TATDN3: variants seen among roughly 807,000 people sequenced by gnomAD.
The protein encoded by TATDN3 is TatD DNase domain containing 3.
TATDN3 carries 29 observed loss-of-function variants against 40.1 expected under a neutral mutation model. That is an observed-to-expected ratio of 0.72 (90% CI 0.54 to 0.99). TATDN3 has a LOEUF of 0.99. TATDN3 is among the 50% of genes least tolerant of loss of function. The probability of loss-of-function intolerance (pLI) is 0.00; values close to 1 mark genes in which losing one functional copy is unlikely to be tolerated. For synonymous variants in TATDN3, 105 were observed against 117.0 expected (o/e 0.90, Z 0.66); for missense variants, 309 against 321.9 (o/e 0.96, Z 0.31).
intron 4 of TATDN3, chr1:212,797,403 ATTAG>A: frequency 1.8e-6 from 1 of 543,408 alleles, no homozygotes; most frequent in Non-Finnish European, 3.3e-6. Flanking sequence ...CAAAGGAATC[ATTAG>A]TTAAGTTGTA....
chr1:212,794,280 CAAA>C (rs60474401), intron 1 of TATDN3, among the ~76,000 whole-genome samples: 1 of 93,096 alleles, frequency 1.1e-5, no homozygotes. Context: ...GACTCCATCT[CAAA>C]AAAAAAAAAA....
rs752952752 is a variant in TATDN3 at position 212,792,632 on chromosome 1, C to CAAAAAAAA, written c.66+659_66+666dup. 8.4e-4 allele frequency among the ~76,000 whole-genome samples: 63 copies of CAAAAAAAA among 75,084 alleles called. 1 individual carries two copies. The highest frequency in any genetic ancestry group is 1.2e-3 in the Non-Finnish European group (50 of 41,166). The allele number at this position is 75,084 out of a possible 152,430, so 49.3% of individuals were successfully genotyped here. A position where few individuals can be genotyped will look rare whatever the true frequency, so the allele number is the denominator to read the frequency against. On this transcript the variant is annotated intron_variant, in intron 1 of 9. Coordinates refer to ENST00000366974, the MANE Select transcript of TATDN3 (RefSeq NM_001042552.3). ...CCTGGGTAACAGTGAGACCCTGTCT[C>CAAAAAAAA]AAAAAAAAAAAAAAAAAAAAATTCA...
intron 1 of TATDN3, 142 bp downstream of exon 1, chr1:212,792,129 C>G: frequency 1.3e-6 from 1 of 790,590 alleles, no homozygotes; most frequent in Non-Finnish European, 2.0e-6. Flanking sequence ...CCTTGCCCCT[C>G]ATTTCCCTAT....
chr1:212,804,275 T>A, intron 5 of TATDN3, 45 bp from the exon 6 acceptor site: 2 of 1,404,612 alleles, frequency 1.4e-6, no homozygotes, highest in Non-Finnish European at 2.0e-6. Context: ...TCTTTTGAGG[T>A]TCCTTAAACC....
intron 1 of TATDN3, among the ~76,000 whole-genome samples, chr1:212,794,230 G>C (rs565719626): frequency 6.6e-6 from 1 of 150,750 alleles, no homozygotes; most frequent in South Asian, 2.1e-4. Flanking sequence ...GCAGTGAGCC[G>C]AGATCGTGAC....
chr1:212,806,769 TATATATATATATATAC>T (rs1465711457), intron 7 of TATDN3, among the ~76,000 whole-genome samples: 3 of 116,416 alleles, frequency 2.6e-5, no homozygotes, highest in South Asian at 5.9e-4. Context: ...TATATATATA[TATATATATATATATAC>T]ACACACACAC....
At chr1:212,811,240 AT>A (rs981591244) in intron 8 of TATDN3, among the ~76,000 whole-genome samples, 2 of 151,476 alleles carry the variant, frequency 1.3e-5, no homozygotes, top group African/African-American at 4.9e-5. Context: ...GGTTCAAGTG[AT>A]TCTGCCTCAA....
chr1:212,794,966 T>G, intron 1 of TATDN3, 129 bp from the exon 2 acceptor site: 9 of 727,466 alleles, frequency 1.2e-5, no homozygotes, highest in South Asian at 9.3e-5. Context: ...GTAGGCTCTT[T>G]GTTTTCCACC....
chr1:212,799,834 C>T (rs1287530857), intron 4 of TATDN3, among the ~76,000 whole-genome samples: 3 of 152,140 alleles, frequency 2.0e-5, no homozygotes, highest in African/African-American at 4.8e-5. Context: ...CCACCACACC[C>T]GGCCAATAGG....
At chr1:212,806,741 T>TCTCG (rs1662496981) in intron 7 of TATDN3, among the ~76,000 whole-genome samples, 1 of 94,546 alleles carries the variant, frequency 1.1e-5, no homozygotes, top group Non-Finnish European at 2.0e-5. Context: ...TCTCTCTCTC[T>TCTCG]CTCTCCATAT....
Position 212,807,834 on chromosome 1 carries a change from A to G in TATDN3, c.586A>G (p.Ile196Val), listed in dbSNP as rs746582846. Residue 196 changes from isoleucine to valine, a missense_variant, in exon 8 of 10, where the codon ATA (isoleucine) becomes GTA (valine). Transcript: ENST00000366974. ...GYFFSIPPSIIRSGQKQKLVK... is the reference protein window; with the variant it reads ...GYFFSIPPSIVRSGQKQKLVK... ...CTTCTTCTCAATTCCCCCTTCTATCATAAGAAGTGGACAGGTAAATTTTTT... is the reference window on the plus strand; with the variant it reads ...CTTCTTCTCAATTCCCCCTTCTATCGTAAGAAGTGGACAGGTAAATTTTTT... 6 of 1,610,670 alleles carry G rather than the reference A, an allele frequency of 3.7e-6. No individual in the cohort carries two copies. In the South Asian group the frequency reaches 4.4e-5, roughly 12 times the overall value.
chr1:212,809,499 A>G (rs949841621), intron 8 of TATDN3, among the ~76,000 whole-genome samples: 9 of 152,072 alleles, frequency 5.9e-5, no homozygotes, highest in Admixed American at 4.6e-4. Flanking sequence ...CCTGGCTAAC[A>G]CGGGGAAGCC....
intron 4 of TATDN3, among the ~76,000 whole-genome samples, chr1:212,801,921 T>C (rs767272899): frequency 4.6e-4 from 70 of 152,248 alleles, no homozygotes; most frequent in Non-Finnish European, 8.1e-4. Context: ...CCTGTTCCTC[T>C]ATCATCTGCT....
intron 8 of TATDN3, among the ~76,000 whole-genome samples, chr1:212,810,184 C>A (rs1220599478): frequency 3.3e-5 from 5 of 151,700 alleles, no homozygotes; most frequent in African/African-American, 1.2e-4. Context: ...GGCAATATGG[C>A]GAAACCCTGT....
At chr1:212,810,507 GTC>G (rs2102479102) in intron 8 of TATDN3, among the ~76,000 whole-genome samples, 1 of 77,272 alleles carries the variant, frequency 1.3e-5, no homozygotes, top group Non-Finnish European at 2.3e-5. Context: ...GCGAGACTCT[GTC>G]TCAAAAAAAA....
chr1:212,795,922 A>G (rs1661726742), intron 2 of TATDN3, among the ~76,000 whole-genome samples: 1 of 152,236 alleles, frequency 6.6e-6, no homozygotes, highest in Non-Finnish European at 1.5e-5. Flanking sequence ...GAGACAAGTT[A>G]GTCTGAATTC....
intron 1 of TATDN3, among the ~76,000 whole-genome samples, chr1:212,793,148 T>G (rs1213560232): frequency 6.6e-6 from 1 of 152,224 alleles, no homozygotes; most frequent in Non-Finnish European, 1.5e-5. Flanking sequence ...GGTGGGTCAG[T>G]AAGGAATTTG....
intron 4 of TATDN3, among the ~76,000 whole-genome samples, chr1:212,802,376 C>T (rs905665299): frequency 6.6e-6 from 1 of 152,204 alleles, no homozygotes; most frequent in Non-Finnish European, 1.5e-5. Flanking sequence ...TGGTTTGCCT[C>T]TCTTTTTCTT....
chr1:212,804,260 A>C, intron 5 of TATDN3, 60 bp from the exon 6 acceptor site: 14 of 1,208,542 alleles, frequency 1.2e-5, no homozygotes, highest in Non-Finnish European at 1.7e-5. Context: ...ATCAATCCAA[A>C]GATCTCTTTT....
Sources: gnomAD v4.1 joint callset for allele counts (sites outside exome capture counted in the v4.1 genomes callset) on GRCh38, gnomAD v4.1.1 for gene constraint, MANE v1.5 for transcripts, NCBI Gene and HGNC (gene_info 2026-07-23, HGNC 2026-07-21) for gene names.